INPP4B: variants seen among roughly 807,000 people sequenced by gnomAD.
INPP4B encodes the protein inositol polyphosphate-4-phosphatase type II B.
INPP4B carries 55 observed loss-of-function variants against 122.5 expected under a neutral mutation model. That is an observed-to-expected ratio of 0.45 (90% CI 0.36 to 0.56). INPP4B has a LOEUF of 0.56. Ranked by LOEUF, INPP4B falls within the 20% of genes least tolerant of loss-of-function variation. The probability of loss-of-function intolerance (pLI) is 0.00; values close to 1 mark genes in which losing one functional copy is unlikely to be tolerated. For synonymous variants in INPP4B, 403 were observed against 388.7 expected (o/e 1.04, Z -0.43); for missense variants, 1,000 against 1,097.7 (o/e 0.91, Z 1.26).
In INPP4B at chr4:142,371,282, A is replaced by G. The variant is rs189133415; in HGVS notation, c.372+31656T>C. 5.3e-5 allele frequency among the ~76,000 whole-genome samples: 8 copies of G among 152,286 alleles called. No individual in the cohort carries two copies. The East Asian group carries it at 1.5e-3, about 29-fold the overall frequency. On this transcript the variant is annotated intron_variant, in intron 7 of 25. Transcript: ENST00000262992. ...ATATACATAAATCAACTCAAAGTAG[A>G]TTACAAACTTAATCATATGACTCGA...
At chr4:142,255,591 C>G (rs1032829053) in intron 11 of INPP4B, among the ~76,000 whole-genome samples, 1 of 151,996 alleles carries the variant, frequency 6.6e-6, no homozygotes, top group African/African-American at 2.4e-5. Context: ...CCAACAAAGA[C>G]CAAAAGCGAC....
intron 3 of INPP4B, among the ~76,000 whole-genome samples, chr4:142,446,514 A>G (rs1812943809): frequency 1.3e-5 from 2 of 152,214 alleles, no homozygotes; most frequent in African/African-American, 4.8e-5. Flanking sequence ...TTTCACTTCT[A>G]AGCATATAAT....
intron 25 of INPP4B, chr4:142,029,135 C>T: frequency 4.9e-6 from 6 of 1,236,968 alleles, no homozygotes; most frequent in Non-Finnish European, 6.1e-6. Context: ...AGTCTCTTTA[C>T]TCTTAACATT....
At chr4:142,490,477 T>G (rs1821740982) in intron 2 of INPP4B, among the ~76,000 whole-genome samples, 1 of 152,176 alleles carries the variant, frequency 6.6e-6, no homozygotes. Context: ...TAAAATATGA[T>G]GTTTTGATAT....
intron 15 of INPP4B, among the ~76,000 whole-genome samples, chr4:142,180,010 T>C (rs1830098394): frequency 6.6e-6 from 1 of 152,124 alleles, no homozygotes; most frequent in African/African-American, 2.4e-5. Flanking sequence ...TATGCCCTAA[T>C]ATACTTGATC....
chr4:142,338,302 C>G (rs1393565195), intron 7 of INPP4B, among the ~76,000 whole-genome samples: 1 of 152,206 alleles, frequency 6.6e-6, no homozygotes, highest in Non-Finnish European at 1.5e-5. Flanking sequence ...GTGGTGCCAT[C>G]TAGGCTCACT....
chr4:142,105,678 A>G (rs1786675092), intron 23 of INPP4B, among the ~76,000 whole-genome samples: 1 of 152,156 alleles, frequency 6.6e-6, no homozygotes, highest in Non-Finnish European at 1.5e-5. Context: ...GAATTCACCT[A>G]CTTACTTCAT....
intron 2 of INPP4B, among the ~76,000 whole-genome samples, chr4:142,533,396 A>G (rs1827843490): frequency 6.6e-6 from 1 of 152,136 alleles, no homozygotes; most frequent in African/African-American, 2.4e-5. Flanking sequence ...TAAGCTCTCA[A>G]CCACTTCTTT....
chr4:142,844,194 A>C (rs2151221140), intron 1 of INPP4B, among the ~76,000 whole-genome samples: 1 of 152,324 alleles, frequency 6.6e-6, no homozygotes, highest in South Asian at 2.1e-4. Flanking sequence ...ACAAGACTAA[A>C]TGGTCTATCT....
At chr4:142,635,238 G>T (rs1227433880) in intron 2 of INPP4B, among the ~76,000 whole-genome samples, 1 of 152,078 alleles carries the variant, frequency 6.6e-6, no homozygotes, top group Non-Finnish European at 1.5e-5. Context: ...AGAGAAAAGG[G>T]AACACTTATA....
chr4:142,809,290 GTAATA>G (rs1462249739), intron 1 of INPP4B, among the ~76,000 whole-genome samples: 1 of 152,044 alleles, frequency 6.6e-6, no homozygotes, highest in African/African-American at 2.4e-5. Flanking sequence ...TTTCATTGAT[GTAATA>G]TAAGAAAAGA....
At chr4:142,781,113 G>A (rs1328833003) in intron 1 of INPP4B, among the ~76,000 whole-genome samples, 2 of 152,202 alleles carry the variant, frequency 1.3e-5, no homozygotes, top group African/African-American at 2.4e-5. Flanking sequence ...ATAGTGATGG[G>A]GCTGGGTGTC....
intron 2 of INPP4B, among the ~76,000 whole-genome samples, chr4:142,642,813 G>T (rs1485645748): frequency 3.3e-5 from 5 of 152,060 alleles, no homozygotes; most frequent in Non-Finnish European, 7.4e-5. Context: ...AGAAAGTTAT[G>T]GGTAGCTTGA....
At chr4:142,341,427 G>GAGTC (rs3050119) in intron 7 of INPP4B, among the ~76,000 whole-genome samples, 148,721 of 152,168 alleles carry the variant, frequency 0.98, 72,782 homozygotes, top group East Asian at 1. Context: ...ATAGGCATTT[G>GAGTC]AGTAACATTT....
intron 2 of INPP4B, among the ~76,000 whole-genome samples, chr4:142,467,126 C>G (rs75881780): frequency 4.3e-3 from 650 of 152,280 alleles, no homozygotes; most frequent in Non-Finnish European, 6.5e-3. Context: ...GATTGGAGAC[C>G]CACAAAGAGT....
chr4:142,471,273 A>C (rs1315895982), intron 2 of INPP4B, among the ~76,000 whole-genome samples: 2 of 152,196 alleles, frequency 1.3e-5, no homozygotes, highest in Non-Finnish European at 2.9e-5. Context: ...GTAAGTGTTC[A>C]TGTTTCTACA....
intron 1 of INPP4B, among the ~76,000 whole-genome samples, chr4:142,836,445 C>A (rs2151197726): frequency 6.6e-6 from 1 of 151,644 alleles, no homozygotes; most frequent in South Asian, 2.1e-4. Context: ...TGTGTGTATA[C>A]CTCTAGAAAA....
chr4:142,255,763 T>TAC (rs1377640286), intron 11 of INPP4B, among the ~76,000 whole-genome samples: 1 of 152,088 alleles, frequency 6.6e-6, no homozygotes, highest in Non-Finnish European at 1.5e-5. Flanking sequence ...TGGGAGACTT[T>TAC]AACTCCCCAC....
intron 8 of INPP4B, among the ~76,000 whole-genome samples, chr4:142,307,912 G>C (rs937762447): frequency 6.6e-6 from 1 of 151,942 alleles, no homozygotes; most frequent in African/African-American, 2.4e-5. Context: ...CAGTCTTTTT[G>C]GCAATAAAAG....
Sources: gnomAD v4.1 joint callset for allele counts (sites outside exome capture counted in the v4.1 genomes callset) on GRCh38, gnomAD v4.1.1 for gene constraint, MANE v1.5 for transcripts, NCBI Gene and HGNC (gene_info 2026-07-23, HGNC 2026-07-21) for gene names.